Variants in NMNAT2 observed in about 807,000 individuals in gnomAD.
The protein encoded by NMNAT2 is nicotinamide/nicotinic acid mononucleotide adenylyltransferase 2.
Under a neutral mutation model 41.6 loss-of-function variants are expected in NMNAT2, and 11 were observed. That is an observed-to-expected ratio of 0.26 (90% CI 0.17 to 0.44). The LOEUF is 0.44. NMNAT2 is among the 20% of genes least tolerant of loss of function. The pLI is 1.00. For synonymous variants in NMNAT2, 148 were observed against 151.2 expected, an observed-to-expected ratio of 0.98 and a Z score of 0.16; for missense variants, 288 against 407.7, an observed-to-expected ratio of 0.71 and a Z score of 2.53.
chr1:183,339,658 C>T (rs988887241), intron 1 of NMNAT2, among the ~76,000 whole-genome samples: 2 of 152,148 alleles, frequency 1.3e-5, no homozygotes, highest in Non-Finnish European at 2.9e-5. Context: ...ATTAATTGAA[C>T]ACTTACAATG....
At chr1:183,369,079 G>A (rs1050273861) in intron 1 of NMNAT2, among the ~76,000 whole-genome samples, 4 of 152,068 alleles carry the variant, frequency 2.6e-5, no homozygotes, top group African/African-American at 7.2e-5. Flanking sequence ...TGTGCACTAC[G>A]CAGCTCTGCC....
At chr1:183,307,098 C>T (rs973990513) in intron 1 of NMNAT2, among the ~76,000 whole-genome samples, 1 of 152,046 alleles carries the variant, frequency 6.6e-6, no homozygotes, top group African/African-American at 2.4e-5. Flanking sequence ...GTTATTAAAT[C>T]TGAGAAGATT....
At chr1:183,350,437 G>A (rs996334519) in intron 1 of NMNAT2, among the ~76,000 whole-genome samples, 3 of 152,076 alleles carry the variant, frequency 2.0e-5, no homozygotes, top group Non-Finnish European at 4.4e-5. Flanking sequence ...AAGAAAGAAG[G>A]GGCCCTCCTT....
At chr1:183,362,050 T>C (rs565037398) in intron 1 of NMNAT2, among the ~76,000 whole-genome samples, 3 of 152,316 alleles carry the variant, frequency 2.0e-5, no homozygotes, top group Admixed American at 1.3e-4. Context: ...GCGATTCTCC[T>C]GCCTCAGCCT....
chr1:183,287,960 A>C (rs1661438736), intron 4 of NMNAT2, among the ~76,000 whole-genome samples: 1 of 152,138 alleles, frequency 6.6e-6, no homozygotes, highest in Non-Finnish European at 1.5e-5. Context: ...AGGAGGTCAC[A>C]TCTGACCACA....
intron 1 of NMNAT2, among the ~76,000 whole-genome samples, chr1:183,404,328 G>A (rs1421973709): frequency 1.3e-5 from 2 of 152,152 alleles, no homozygotes; most frequent in Non-Finnish European, 2.9e-5. Flanking sequence ...GACCTCAGGT[G>A]ATCCACCTGC....
intron 10 of NMNAT2, among the ~76,000 whole-genome samples, 183 bp downstream of exon 10, chr1:183,260,819 C>CAAAAAAAAAAAAAAAAAAAAAAAAAAA (rs35660466): frequency 1.3e-5 from 1 of 74,994 alleles, no homozygotes. Context: ...GACGCTGTCT[C>CAAAAAAAAAAAAAAAAAAAAAAAAAAA]AAAAAAAAAA....
At chr1:183,357,494 G>T (rs2102356640) in intron 1 of NMNAT2, among the ~76,000 whole-genome samples, 1 of 152,186 alleles carries the variant, frequency 6.6e-6, no homozygotes, top group East Asian at 1.9e-4. Context: ...CTCCCAAAGT[G>T]CTGGGATTAC....
intron 1 of NMNAT2, among the ~76,000 whole-genome samples, chr1:183,396,890 A>G (rs1571637794): frequency 6.6e-6 from 1 of 152,070 alleles, no homozygotes; most frequent in Non-Finnish European, 1.5e-5. Context: ...GTTGCTGCAG[A>G]CCCATATGGA....
intron 1 of NMNAT2, among the ~76,000 whole-genome samples, chr1:183,398,681 A>T (rs1242378342): frequency 1.3e-5 from 2 of 152,116 alleles, no homozygotes; most frequent in Non-Finnish European, 2.9e-5. Context: ...CCTCAGCAAA[A>T]GTAAAAGAAC....
At chr1:183,391,460 C>A (rs1300892201) in intron 1 of NMNAT2, among the ~76,000 whole-genome samples, 1 of 152,168 alleles carries the variant, frequency 6.6e-6, no homozygotes, top group Non-Finnish European at 1.5e-5. Context: ...CTCAGCCTTG[C>A]CCCATCCGTT....
At chr1:183,392,643 C>T (rs1003115930) in intron 1 of NMNAT2, among the ~76,000 whole-genome samples, 4 of 152,248 alleles carry the variant, frequency 2.6e-5, no homozygotes, top group South Asian at 2.1e-4. Flanking sequence ...CACCCCCTCT[C>T]TCTTCCTCCG....
At chr1:183,331,944 C>A in intron 1 of NMNAT2, among the ~76,000 whole-genome samples, 2 of 152,266 alleles carry the variant, frequency 1.3e-5, no homozygotes. Context: ...CCACCACGCC[C>A]GGCTAATTTT....
chr1:183,330,895 C>T (rs898696712), intron 1 of NMNAT2, among the ~76,000 whole-genome samples: 1 of 152,148 alleles, frequency 6.6e-6, no homozygotes, highest in South Asian at 2.1e-4. Flanking sequence ...GCTCAGAGCT[C>T]CCAGTCCCTG....
At chr1:183,377,299 A>G (rs1663700782) in intron 1 of NMNAT2, among the ~76,000 whole-genome samples, 1 of 151,966 alleles carries the variant, frequency 6.6e-6, no homozygotes, top group Non-Finnish European at 1.5e-5. Context: ...AACATCAGAG[A>G]AGGGACCCTC....
At chr1:183,359,303 C>T (rs1006948337) in intron 1 of NMNAT2, among the ~76,000 whole-genome samples, 1 of 152,118 alleles carries the variant, frequency 6.6e-6, no homozygotes, top group Non-Finnish European at 1.5e-5. Flanking sequence ...ACATATTTCG[C>T]TGCCATTAGG....
chr1:183,316,325 C>A (rs1045509305), intron 1 of NMNAT2, among the ~76,000 whole-genome samples: 25 of 152,190 alleles, frequency 1.6e-4, no homozygotes, highest in African/African-American at 6.0e-4. Context: ...TTGCCCCCAA[C>A]TCCTCCCTGA....
intron 1 of NMNAT2, among the ~76,000 whole-genome samples, chr1:183,319,030 C>T (rs552677866): frequency 6.6e-6 from 1 of 152,196 alleles, no homozygotes; most frequent in Non-Finnish European, 1.5e-5. Context: ...CATTGCAATG[C>T]TACTGTCTTG....
At position 183,413,451 on chromosome 1, in the gene NMNAT2, C is replaced by T. The variant is rs192174365; in HGVS notation, c.85+4732G>A. Among the ~76,000 whole-genome samples the T allele has an allele frequency of 1.3e-3, 198 of 152,240 alleles. 1 individual carries two copies. Among genetic ancestry groups the T allele is most frequent in the African/African-American group, 4.1e-3 (171 of 41,548 alleles). ...GAGCACGGTGGTGGCTGTGAGCATG[C>T]ACCCAGCCTAAGCATGAGACTCTAC... is the stretch of plus-strand genomic sequence containing the variant. On this transcript the variant is annotated intron_variant, in intron 1 of 10. Transcript: ENST00000287713.
Sources: allele counts gnomAD v4.1 joint callset (sites outside exome capture counted in the v4.1 genomes callset), GRCh38; gene constraint gnomAD v4.1.1; transcripts MANE v1.5; gene names NCBI Gene and HGNC (gene_info 2026-07-23, HGNC 2026-07-21).